The following GALNT11 variants were observed in gnomAD, a reference collection of about 807,000 sequenced individuals.
GALNT11 encodes UDP-GalNAc:polypeptide N-acetylgalactosaminyltransferase 11.
In GALNT11, 47 loss-of-function variants were observed where a neutral mutation model predicts 72.7. The observed-to-expected ratio is 0.65, with a 90% CI of 0.51 to 0.82. The LOEUF is 0.82. Among genes scored for constraint, GALNT11 ranks in the 40% least tolerant of loss-of-function variants. The probability of loss-of-function intolerance (pLI) is 0.00; values close to 1 mark genes in which losing one functional copy is unlikely to be tolerated. For missense variants in GALNT11, 677 were observed against 778.4 expected (o/e 0.87, Z 1.55); for synonymous variants, 270 against 286.6 (o/e 0.94, Z 0.58).
intron 7 of GALNT11, among the ~76,000 whole-genome samples, chr7:152,111,993 C>T (rs903540395): frequency 3.9e-5 from 6 of 152,128 alleles, no homozygotes; most frequent in African/African-American, 1.4e-4. Context: ...CTGTCTTCTC[C>T]AATTGCTAAG....
At position 152,094,216 on chromosome 7, in the gene GALNT11, G is replaced by A. The variant is rs999878727; in HGVS notation, c.-12G>A. ...AAATTGACAATGGCCCTTCAGCTAT[G>A]CTAGGTCTATAATGGGAAGTGTCAC... On this transcript the variant is annotated 5_prime_UTR_variant, in exon 2 of 12. The change abolishes an upstream ATG in the 5' untranslated region. Coordinates refer to ENST00000430044, the MANE Select transcript of GALNT11 (RefSeq NM_022087.4). The surrounding 1 kb of genome is among the most constrained non-coding windows in gnomAD (Gnocchi z 4.3). The A allele has an allele frequency of 1.5e-5, 23 of 1,579,530 alleles. No homozygotes were observed. The highest frequency in any genetic ancestry group is 1.4e-4 in the Admixed American group (8 of 55,220).
chr7:152,100,750 A>C (rs755245810), intron 2 of GALNT11, 48 bp from the exon 3 acceptor site: 7 of 1,601,986 alleles, frequency 4.4e-6, no homozygotes, highest in Non-Finnish European at 6.0e-6. Flanking sequence ...TAACAGTAAC[A>C]TGATACTTTC....
In GALNT11 at chr7:152,094,576, T is replaced by G; in HGVS notation, c.295+54T>G. On this transcript the variant is annotated intron_variant, in intron 2 of 11. Transcript: ENST00000430044. This position sits in a 1 kb window ranked among gnomAD's most constrained non-coding sequence, Gnocchi z 4.3. Reference sequence around the variant, plus strand: ...TATCAATGTATTTAATCACTGGAAGTTTGATTAATTAGTTAATTAGGAGAT... The same window carrying G: ...TATCAATGTATTTAATCACTGGAAGGTTGATTAATTAGTTAATTAGGAGAT... 1 of 1,498,918 alleles carries G rather than the reference T, an allele frequency of 6.7e-7. No homozygotes were observed. Among genetic ancestry groups the G allele is most frequent in the Non-Finnish European group, 8.9e-7 (1 of 1,118,630 alleles). The allele number at this position is 1,498,918 out of a possible 1,614,324, so 92.9% of individuals were successfully genotyped here. A position where few individuals can be genotyped will look rare whatever the true frequency, so the allele number is the denominator to read the frequency against.
chr7:152,039,900 A>G (rs1188254181), intron 1 of GALNT11, among the ~76,000 whole-genome samples: 1 of 152,152 alleles, frequency 6.6e-6, no homozygotes, highest in Non-Finnish European at 1.5e-5. Flanking sequence ...TCAGCTGCTG[A>G]TAGCATCTGG....
chr7:152,105,333 G>A lies in GALNT11; in HGVS notation c.675G>A (p.Leu225=). 6.2e-7 allele frequency: 1 copy of A among 1,614,002 alleles called. No individual in the cohort carries two copies. Among genetic ancestry groups the A allele is most frequent in the Non-Finnish European group, 8.5e-7 (1 of 1,179,942 alleles). ...TAAGAAATACAAAGCGTGAGGGGTT[G>A]ATTCGAGGGAGAATGATTGGCGCGG... The part of the protein sequence containing the change: ...KVIRNTKREG[L]IRGRMIGAAH... The change falls in exon 5 of 12, where the codon TTG becomes TTA. Residue 225 remains leucine (L), a synonymous_variant. Transcript: ENST00000430044.
intron 1 of GALNT11, among the ~76,000 whole-genome samples, chr7:152,029,396 T>C (rs1260959583): frequency 6.6e-6 from 1 of 152,210 alleles, no homozygotes; most frequent in African/African-American, 2.4e-5. Flanking sequence ...GGGTATTAGT[T>C]GTATGGCTCT....
At chr7:152,092,698 G>T (rs539718381) in intron 1 of GALNT11, among the ~76,000 whole-genome samples, 2 of 152,208 alleles carry the variant, frequency 1.3e-5, no homozygotes, top group South Asian at 2.1e-4. Flanking sequence ...CTTTACTGAT[G>T]CCAGTTTGCT....
At chr7:152,114,710 G>A (rs1316963806) in intron 8 of GALNT11, among the ~76,000 whole-genome samples, 2 of 152,106 alleles carry the variant, frequency 1.3e-5, no homozygotes, top group Non-Finnish European at 2.9e-5. Context: ...GGGATTACAG[G>A]TGTGAGCCAC....
At chr7:152,106,300 C>T (rs1049580626) in intron 5 of GALNT11, among the ~76,000 whole-genome samples, 3 of 152,228 alleles carry the variant, frequency 2.0e-5, no homozygotes, top group Non-Finnish European at 4.4e-5. Flanking sequence ...TCCTAGATAA[C>T]CTGCCTCTGG....
chr7:152,083,621 C>T (rs1487842157), intron 1 of GALNT11, among the ~76,000 whole-genome samples: 2 of 152,122 alleles, frequency 1.3e-5, no homozygotes, highest in Admixed American at 6.5e-5. Flanking sequence ...CAGTGGGGCT[C>T]ACACCCCACT....
At chr7:152,115,568 G>C (rs1182516681) in intron 8 of GALNT11, among the ~76,000 whole-genome samples, 1 of 152,132 alleles carries the variant, frequency 6.6e-6, no homozygotes, top group Non-Finnish European at 1.5e-5. Context: ...CTGCTCTCCA[G>C]AACACTCTTT....
chr7:152,045,603 T>G (rs2083081370), intron 1 of GALNT11, among the ~76,000 whole-genome samples: 1 of 152,202 alleles, frequency 6.6e-6, no homozygotes, highest in East Asian at 1.9e-4. Context: ...TCATGATCTT[T>G]TGAGTTTCTG....
At position 152,094,225 on chromosome 7, in the gene GALNT11, A is replaced by G. The variant is rs747925079; in HGVS notation, c.-3A>G. On this transcript the variant is annotated 5_prime_UTR_variant, in exon 2 of 12. Transcript: ENST00000430044. The surrounding 1 kb of genome is among the most constrained non-coding windows in gnomAD (Gnocchi z 4.3). ...ATGGCCCTTCAGCTATGCTAGGTCT[A>G]TAATGGGAAGTGTCACAGTTCGGTA... is the stretch of plus-strand genomic sequence containing the variant. 1.3e-6 allele frequency: 2 copies of G among 1,595,182 alleles called. No homozygotes were observed. Among genetic ancestry groups the G allele is most frequent in the Non-Finnish European group, 1.7e-6 (2 of 1,170,186 alleles).
intron 2 of GALNT11, among the ~76,000 whole-genome samples, chr7:152,098,307 G>A (rs1174736021): frequency 1.3e-5 from 2 of 151,934 alleles, no homozygotes; most frequent in African/African-American, 2.4e-5. Flanking sequence ...GTGTGGGGGC[G>A]CATGGCTGTA....
chr7:152,045,981 A>G (rs1586976500), intron 1 of GALNT11, among the ~76,000 whole-genome samples: 1 of 152,056 alleles, frequency 6.6e-6, no homozygotes, highest in East Asian at 1.9e-4. Context: ...AGGTTTTGGT[A>G]TGTTGTTTCC....
rs3031460 is a variant in GALNT11 at position 152,055,520 on chromosome 7, C to CGTGT, written c.-39+29681_-39+29684dup. ...TACGAGGTATTTGGTATATATAAAG[C>CGTGT]GTGTGTGTGTGTGTGTGTGTGTGTG... On this transcript the variant is annotated intron_variant, in intron 1 of 11. Coordinates refer to ENST00000430044, the MANE Select transcript of GALNT11 (RefSeq NM_022087.4). Among the ~76,000 whole-genome samples, 559 of 136,510 alleles carry CGTGT rather than the reference C, an allele frequency of 4.1e-3. 6 individuals carry two copies. Among genetic ancestry groups the CGTGT allele is most frequent in the East Asian group, 9.5e-3 (43 of 4,540 alleles). The allele number at this position is 136,510 out of a possible 152,430, so 89.6% of individuals were successfully genotyped here. A position where few individuals can be genotyped will look rare whatever the true frequency, so the allele number is the denominator to read the frequency against.
intron 1 of GALNT11, among the ~76,000 whole-genome samples, chr7:152,039,485 A>G (rs1275463225): frequency 6.6e-6 from 1 of 152,110 alleles, no homozygotes; most frequent in African/African-American, 2.4e-5. Context: ...GGCAGTGGTG[A>G]TCACCGCTAT....
Position 152,103,162 on chromosome 7 carries a change from T to C in GALNT11, c.470T>C (p.Ile157Thr), listed in dbSNP as rs1308787390. Reference sequence around the variant, plus strand: ...GACCTGCCAGCTGCTAGTGTTGTTATCTGTTTCTATAATGAAGCGTTTTCT... The same window carrying C: ...GACCTGCCAGCTGCTAGTGTTGTTACCTGTTTCTATAATGAAGCGTTTTCT... ...PPDLPAASVV[I>T]CFYNEAFSAL... is the part of the protein sequence containing the mutation. Residue 157 changes from isoleucine to threonine, a missense_variant, in exon 4 of 12, where the codon ATC becomes ACC. Ile to Thr is a moderately conservative substitution (Grantham distance 89, BLOSUM62 -1). Transcript: ENST00000430044. 4 of 1,612,358 alleles carry C rather than the reference T, an allele frequency of 2.5e-6. No individual in the cohort carries two copies. In the East Asian group the frequency reaches 8.9e-5, roughly 36 times the overall value.
At chr7:152,121,257 C>T (rs1243194046) in intron 11 of GALNT11, among the ~76,000 whole-genome samples, 1 of 152,230 alleles carries the variant, frequency 6.6e-6, no homozygotes, top group Admixed American at 6.5e-5. Context: ...TGGCTCCCGC[C>T]TGTAATCCCA....
Sources: gnomAD v4.1 joint callset for allele counts (sites outside exome capture counted in the v4.1 genomes callset) on GRCh38, gnomAD v4.1.1 for gene constraint, Gnocchi (gnomAD v3.1) non-coding constraint, MANE v1.5 for transcripts, NCBI Gene and HGNC (gene_info 2026-07-23, HGNC 2026-07-21) for gene names.